The following RUNX1 variants were observed in gnomAD, a reference collection of about 807,000 sequenced individuals.
RUNX1 encodes RUNX family transcription factor 1, also known as runt-related transcription factor 1.
Under a neutral mutation model 42.8 loss-of-function variants are expected in RUNX1, and 19 were observed. The observed-to-expected ratio is 0.44, with a 90% CI of 0.31 to 0.65. RUNX1 has a LOEUF of 0.65. Among genes scored for constraint, RUNX1 ranks in the 30% least tolerant of loss-of-function variants. The probability of loss-of-function intolerance (pLI) is 0.07; values close to 1 mark genes in which losing one functional copy is unlikely to be tolerated. For missense variants in RUNX1, 528 were observed against 672.0 expected (o/e 0.79, Z 2.37); for synonymous variants, 271 against 289.4 (o/e 0.94, Z 0.64).
chr21:34,834,126 A>G, intron 7 of RUNX1: 1 of 658,176 alleles, frequency 1.5e-6, no homozygotes, highest in Non-Finnish European at 2.8e-6. Context: ...CTATCTATCC[A>G]ATATGGATAT....
chr21:34,892,763 T>C (rs1569090354), intron 3 of RUNX1, among the ~76,000 whole-genome samples, 162 bp downstream of exon 3: 2 of 152,204 alleles, frequency 1.3e-5, no homozygotes, highest in African/African-American at 2.4e-5. Context: ...ATTTACAATA[T>C]GGAGAACTGC....
rs1369063486 is a variant in RUNX1, at chr21:34,889,782, G to T, written c.98-2686C>A. The stretch of plus-strand genomic sequence containing the variant: ...CCCCGCCCCCGGTCCGGCGTGCGCT[G>T]CCAACTCCGACCCCGCCCGGCGGGG... On this transcript the variant is annotated intron_variant, in intron 3 of 8. Transcript: ENST00000675419. 18 of 1,142,426 alleles carry T rather than the reference G, an allele frequency of 1.6e-5. No individual in the cohort carries two copies. The South Asian group carries it at 2.6e-4, about 17-fold the overall frequency. The allele number at this position is 1,142,426 out of a possible 1,614,324, so 70.8% of individuals were successfully genotyped here.
intron 7 of RUNX1, among the ~76,000 whole-genome samples, chr21:34,814,502 G>A (rs1049080269): frequency 1.4e-4 from 22 of 152,182 alleles, no homozygotes; most frequent in African/African-American, 5.3e-4. Context: ...TTAAAATAAT[G>A]AGTTAGATGC....
At chr21:34,859,305 C>CT (rs2057536990) in intron 6 of RUNX1, 169 bp downstream of exon 6, 1 of 643,990 alleles carries the variant, frequency 1.6e-6, no homozygotes, top group African/African-American at 1.8e-5. Flanking sequence ...CAGAAACAAG[C>CT]TTTGAGTAGC....
chr21:34,931,841 T>C (rs796548745), intron 2 of RUNX1, among the ~76,000 whole-genome samples: 1 of 151,920 alleles, frequency 6.6e-6, no homozygotes, highest in African/African-American at 2.4e-5. Context: ...CAGTGGGAGA[T>C]AGGGCTGCGT....
intron 7 of RUNX1, among the ~76,000 whole-genome samples, chr21:34,807,565 A>AT (rs543075179): frequency 2.6e-5 from 4 of 152,126 alleles, no homozygotes; most frequent in Non-Finnish European, 5.9e-5. Context: ...CCCTGGAGGA[A>AT]TTTTTTCCCT....
At chr21:34,933,604 A>G (rs533259595) in intron 2 of RUNX1, among the ~76,000 whole-genome samples, 2 of 152,342 alleles carry the variant, frequency 1.3e-5, no homozygotes, top group Non-Finnish European at 2.9e-5. Flanking sequence ...ATAGTAGCTG[A>G]AAGTAGAGTA....
intron 2 of RUNX1, among the ~76,000 whole-genome samples, chr21:34,966,931 G>T (rs556249369): frequency 6.6e-6 from 1 of 152,144 alleles, no homozygotes; most frequent in African/African-American, 2.4e-5. Context: ...GAGCGCAGGG[G>T]TCCTAAGAGT....
At chr21:34,886,363 A>G (rs1186785880) in intron 4 of RUNX1, among the ~76,000 whole-genome samples, 1 of 152,204 alleles carries the variant, frequency 6.6e-6, no homozygotes, top group Admixed American at 6.5e-5. Flanking sequence ...AAAATCCCTG[A>G]CAGTTTCCCT....
rs890843693 is a variant in RUNX1 at position 34,885,919 on chromosome 21, A to G, written c.351+924T>C. On this transcript the variant is annotated intron_variant, in intron 4 of 8. Transcript: ENST00000675419. ...AATTAAATTCCTACTGCTTGCTGCT[A>G]GTGTAGTAGGGTGATTGTTTAGAAA... 3.3e-5 allele frequency among the ~76,000 whole-genome samples: 5 copies of G among 152,184 alleles called. No homozygotes were observed. In the East Asian group the frequency reaches 9.6e-4, roughly 29 times the overall value.
intron 2 of RUNX1, among the ~76,000 whole-genome samples, chr21:34,921,047 C>T (rs537878571): frequency 8.5e-5 from 13 of 152,136 alleles, no homozygotes; most frequent in African/African-American, 2.4e-4. Context: ...TTAGTAGAGT[C>T]GGGGTTTCAC....
intron 2 of RUNX1, among the ~76,000 whole-genome samples, chr21:35,024,717 A>G (rs923782864): frequency 6.6e-6 from 1 of 152,212 alleles, no homozygotes; most frequent in African/African-American, 2.4e-5. Flanking sequence ...TTTTAAACAT[A>G]CACCTAAGAT....
At chr21:34,908,463 T>C (rs960266598) in intron 2 of RUNX1, among the ~76,000 whole-genome samples, 1 of 152,210 alleles carries the variant, frequency 6.6e-6, no homozygotes, top group Non-Finnish European at 1.5e-5. Flanking sequence ...TCTTGGATGA[T>C]ACAGCAAGGT....
chr21:34,839,816 C>T (rs1013001414), intron 6 of RUNX1, among the ~76,000 whole-genome samples: 5 of 152,202 alleles, frequency 3.3e-5, no homozygotes, highest in Non-Finnish European at 7.3e-5. Context: ...GATACTCAAG[C>T]TTCCAATGTG....
At chr21:34,881,784 C>A (rs1323390965) in intron 4 of RUNX1, among the ~76,000 whole-genome samples, 1 of 152,152 alleles carries the variant, frequency 6.6e-6, no homozygotes, top group East Asian at 1.9e-4. Flanking sequence ...CCTAAAGATA[C>A]TTTGTACAAT....
intron 6 of RUNX1, among the ~76,000 whole-genome samples, chr21:34,849,129 T>C (rs1490202672): frequency 2.0e-5 from 3 of 147,756 alleles, no homozygotes; most frequent in South Asian, 2.1e-4. Flanking sequence ...TATATGTATA[T>C]CATGAAAGTA....
chr21:34,797,377 C>G (rs1043295805), intron 8 of RUNX1, among the ~76,000 whole-genome samples: 1 of 152,192 alleles, frequency 6.6e-6, no homozygotes, highest in Non-Finnish European at 1.5e-5. Context: ...TTACTCATTC[C>G]TTTTATTTAA....
At chr21:34,983,020 A>T (rs1183718985) in intron 2 of RUNX1, among the ~76,000 whole-genome samples, 1 of 152,238 alleles carries the variant, frequency 6.6e-6, no homozygotes, top group African/African-American at 2.4e-5. Flanking sequence ...ATCTTTAGGA[A>T]CATTCCAGGC....
intron 2 of RUNX1, among the ~76,000 whole-genome samples, chr21:35,043,601 A>G (rs1418233428): frequency 6.6e-6 from 1 of 152,238 alleles, no homozygotes; most frequent in East Asian, 1.9e-4. Flanking sequence ...TTTCTGATGC[A>G]TGTAAAGACT....
Sources: allele counts gnomAD v4.1 joint callset (sites outside exome capture counted in the v4.1 genomes callset), GRCh38; gene constraint gnomAD v4.1.1; transcripts MANE v1.5; gene names NCBI Gene and HGNC (gene_info 2026-07-23, HGNC 2026-07-21).